The following PCDH15 variants were observed in gnomAD, a reference collection of about 807,000 sequenced individuals.
PCDH15 encodes protocadherin-15.
A neutral mutation model predicts 178.5 loss-of-function variants in PCDH15; 129 were observed. The ratio of observed to expected loss-of-function variants is 0.72; its 90% CI spans 0.63 to 0.84. The LOEUF is 0.84. Ranked by LOEUF, PCDH15 falls within the 40% of genes least tolerant of loss-of-function variation. The pLI is 0.00. For missense variants in PCDH15, 2,230 were observed against 2,099.9 expected (o/e 1.06, Z -1.21); for synonymous variants, 800 against 732.0 (o/e 1.09, Z -1.50).
intron 2 of PCDH15, among the ~76,000 whole-genome samples, chr10:55,123,146 C>A (rs1403285092): frequency 2.0e-5 from 3 of 151,384 alleles, no homozygotes. Context: ...TGAAACCATC[C>A]TACATTTGGT....
At chr10:55,021,820 G>C (rs1840336701) in intron 2 of PCDH15, among the ~76,000 whole-genome samples, 1 of 151,778 alleles carries the variant, frequency 6.6e-6, no homozygotes, top group African/African-American at 2.4e-5. Context: ...GTAATAAATG[G>C]GTCTGCATAT....
At chr10:54,735,203 T>C (rs188148577) in intron 1 of PCDH15, among the ~76,000 whole-genome samples, 9 of 152,196 alleles carry the variant, frequency 5.9e-5, no homozygotes, top group African/African-American at 2.2e-4. Flanking sequence ...CTCAAAAGTA[T>C]ATTTGTCCAT....
intron 18 of PCDH15, among the ~76,000 whole-genome samples, chr10:54,062,245 A>AAAAAAAAAAAAAAAAAAAAAAT: frequency 6.9e-6 from 1 of 143,926 alleles, no homozygotes; most frequent in Non-Finnish European, 1.5e-5. Flanking sequence ...AAAAAAAAAA[A>AAAAAAAAAAAAAAAAAAAAAAT]AAAAAAACAA....
rs368891428 is a variant in PCDH15, at chr10:54,658,479, C to A, written c.91+5693G>T. On this transcript the variant is annotated intron_variant, in intron 2 of 37. Coordinates refer to ENST00000644397, the MANE Select transcript of PCDH15 (RefSeq NM_001384140.1). ...GAAGGAATTAGAGGTCTATTTTGAG[C>A]CTTCTTAAAGAAAATAATTTTATAA... Among the ~76,000 whole-genome samples, 181 of 152,112 alleles carry A rather than the reference C, an allele frequency of 1.2e-3. 9 individuals carry two copies. In the South Asian group the frequency reaches 0.036, roughly 30 times the overall value.
chr10:55,195,067 A>G (rs953039195), intron 1 of PCDH15, among the ~76,000 whole-genome samples: 1 of 147,596 alleles, frequency 6.8e-6, no homozygotes, highest in African/African-American at 2.5e-5. Context: ...TCTGTGGCCC[A>G]GGCTGGAGTG....
At chr10:55,317,638 C>G (rs927992879) in intron 1 of PCDH15, among the ~76,000 whole-genome samples, 1 of 151,664 alleles carries the variant, frequency 6.6e-6, no homozygotes, top group African/African-American at 2.4e-5. Flanking sequence ...GGACAGAACT[C>G]TCTCATACTA....
At chr10:54,993,936 TA>T (rs759200558) in intron 2 of PCDH15, among the ~76,000 whole-genome samples, 2 of 152,206 alleles carry the variant, frequency 1.3e-5, no homozygotes, top group Non-Finnish European at 2.9e-5. Flanking sequence ...GATTTATAGT[TA>T]TTCTGAAAAT....
At position 54,497,965 on chromosome 10, in the gene PCDH15, G is replaced by A. The variant is rs144840067; in HGVS notation, c.157+29847C>T. Among the ~76,000 whole-genome samples the A allele has an allele frequency of 1.3e-3, 199 of 152,044 alleles. 3 individuals carry two copies. The highest frequency in any genetic ancestry group is 4.6e-3 in the African/African-American group (191 of 41,508). ...TAGGAAACTCAGAGAACCCCAGACA[G>A]AGAATATATAAGATGACTATCGCCA... is the stretch of plus-strand genomic sequence containing the variant. On this transcript the variant is annotated intron_variant, in intron 3 of 37. Transcript: ENST00000644397.
intron 2 of PCDH15, among the ~76,000 whole-genome samples, chr10:55,385,502 T>C (rs543868886): frequency 6.6e-6 from 1 of 151,912 alleles, no homozygotes; most frequent in South Asian, 2.1e-4. Flanking sequence ...TTAGAGATAA[T>C]AATATATTAT....
intron 2 of PCDH15, among the ~76,000 whole-genome samples, chr10:55,495,286 C>A (rs112027938): frequency 0.017 from 2,568 of 151,524 alleles, 70 homozygotes; most frequent in African/African-American, 0.058. Context: ...AATTAAAAAC[C>A]CTTATGCTAC....
At chr10:54,736,669 T>C (rs940698749) in intron 1 of PCDH15, among the ~76,000 whole-genome samples, 2 of 152,114 alleles carry the variant, frequency 1.3e-5, no homozygotes, top group African/African-American at 4.8e-5. Flanking sequence ...TTCATAGTAG[T>C]TACGTAGGTC....
intron 14 of PCDH15, among the ~76,000 whole-genome samples, chr10:54,133,455 A>T (rs923402260): frequency 6.6e-6 from 1 of 152,202 alleles, no homozygotes; most frequent in African/African-American, 2.4e-5. Flanking sequence ...GCGTTTTATC[A>T]GTTCTGTTGC....
intron 1 of PCDH15, among the ~76,000 whole-genome samples, chr10:55,244,697 T>C (rs553721897): frequency 5.9e-5 from 9 of 151,752 alleles, no homozygotes; most frequent in Non-Finnish European, 1.2e-4. Context: ...AATCTTGAGT[T>C]CCCAATGGAA....
At chr10:54,168,304 A>C (rs1305652423) in intron 13 of PCDH15, among the ~76,000 whole-genome samples, 1 of 152,080 alleles carries the variant, frequency 6.6e-6, no homozygotes, top group Admixed American at 6.6e-5. Flanking sequence ...CTCTGTGCCC[A>C]ATGCAACTCG....
chr10:53,990,150 C>G (rs911976709), intron 21 of PCDH15, among the ~76,000 whole-genome samples: 2 of 152,032 alleles, frequency 1.3e-5, no homozygotes, highest in Non-Finnish European at 2.9e-5. Context: ...GAAGATCTAG[C>G]CATCTTTTTA....
At chr10:54,244,713 A>G (rs572299059) in intron 8 of PCDH15, among the ~76,000 whole-genome samples, 56 of 152,304 alleles carry the variant, frequency 3.7e-4, no homozygotes, top group Middle Eastern at 6.8e-3. Context: ...TACTTCTCAC[A>G]CTGCCACAGG....
intron 2 of PCDH15, among the ~76,000 whole-genome samples, chr10:54,915,138 A>G (rs1424288860): frequency 6.6e-6 from 1 of 152,218 alleles, no homozygotes; most frequent in Non-Finnish European, 1.5e-5. Context: ...TACATAAAAG[A>G]ACGATCAAGA....
At chr10:54,779,798 C>T (rs1004605775) in intron 1 of PCDH15, among the ~76,000 whole-genome samples, 7 of 151,874 alleles carry the variant, frequency 4.6e-5, no homozygotes, top group Non-Finnish European at 1.0e-4. Context: ...TCGATTTGTG[C>T]TTCCTACATA....
At chr10:55,312,384 C>T (rs1843606437) in intron 1 of PCDH15, among the ~76,000 whole-genome samples, 1 of 151,974 alleles carries the variant, frequency 6.6e-6, no homozygotes, top group Non-Finnish European at 1.5e-5. Context: ...ATTCTAAAAG[C>T]TTAAGAAATG....
Sources: allele counts gnomAD v4.1 joint callset (sites outside exome capture counted in the v4.1 genomes callset), GRCh38; gene constraint gnomAD v4.1.1; transcripts MANE v1.5; gene names NCBI Gene and HGNC (gene_info 2026-07-23, HGNC 2026-07-21).